The following PRR5L variants were observed in gnomAD, a reference collection of about 807,000 sequenced individuals.
PRR5L encodes proline-rich protein 5-like.
PRR5L carries 21 observed loss-of-function variants against 36.4 expected under a neutral mutation model. The observed-to-expected ratio is 0.58, with a 90% CI of 0.41 to 0.83. The LOEUF is 0.83. Among genes scored for constraint, PRR5L ranks in the 40% least tolerant of loss-of-function variants. PRR5L has a pLI of 0.00. For synonymous variants in PRR5L, 188 were observed against 197.0 expected, an observed-to-expected ratio of 0.95 and a Z score of 0.38; for missense variants, 381 against 473.3, an observed-to-expected ratio of 0.80 and a Z score of 1.81.
chr11:36,438,220 T>C (rs2133607290), intron 6 of PRR5L, among the ~76,000 whole-genome samples: 1 of 152,292 alleles, frequency 6.6e-6, no homozygotes, highest in South Asian at 2.1e-4. Flanking sequence ...GGTTGACCCA[T>C]AGATGTTCCT....
chr11:36,374,939 T>C (rs1857238565), intron 1 of PRR5L, among the ~76,000 whole-genome samples: 1 of 152,136 alleles, frequency 6.6e-6, no homozygotes, highest in Admixed American at 6.5e-5. Flanking sequence ...CTGCTCATTG[T>C]CCTCTCAGTT....
At chr11:36,459,740 C>A (rs1859139562) in intron 8 of PRR5L, among the ~76,000 whole-genome samples, 1 of 152,190 alleles carries the variant, frequency 6.6e-6, no homozygotes. Context: ...TGTGTGTTAG[C>A]TGTTAATACT....
rs1322681005 is a variant in PRR5L, at chr11:36,462,769, T to C, written c.*33T>C. The C allele has an allele frequency of 4.6e-6, 7 of 1,510,416 alleles. No individual in the cohort carries two copies. The highest frequency in any genetic ancestry group is 2.3e-5 in the Admixed American group (1 of 44,344). 93.6% of individuals were successfully genotyped at this position (1,510,416 alleles called of 1,614,324 possible). A position where few individuals can be genotyped will look rare whatever the true frequency, so the allele number is the denominator to read the frequency against. On this transcript the variant is annotated 3_prime_UTR_variant, in exon 9 of 9. Coordinates refer to ENST00000530639, the MANE Select transcript of PRR5L (RefSeq NM_001160167.2). ...CCCCTGGGCCTTTCCATCTCCTGTT[T>C]TGCAACCAGGATGAGGACCCCTCCA... is the stretch of plus-strand genomic sequence containing the variant.
intron 3 of PRR5L, among the ~76,000 whole-genome samples, chr11:36,405,470 T>C (rs6484846): frequency 0.23 from 34,861 of 152,114 alleles, 5,665 homozygotes; most frequent in African/African-American, 0.47. Context: ...TGGGGAGGCA[T>C]TGCTGCTTCA....
intron 5 of PRR5L, among the ~76,000 whole-genome samples, chr11:36,434,430 G>A (rs995291639): frequency 6.6e-6 from 1 of 152,118 alleles, no homozygotes; most frequent in African/African-American, 2.4e-5. Context: ...CCTCTTTGTC[G>A]ACATCTCCGC....
chr11:36,315,680 G>A (rs1262378429), intron 1 of PRR5L, among the ~76,000 whole-genome samples: 1 of 152,102 alleles, frequency 6.6e-6, no homozygotes, highest in Non-Finnish European at 1.5e-5. Flanking sequence ...TGAGCAATTG[G>A]CCATATTCCA....
intron 1 of PRR5L, among the ~76,000 whole-genome samples, chr11:36,336,506 A>G (rs1856770157): frequency 6.8e-6 from 1 of 147,238 alleles, no homozygotes; most frequent in Admixed American, 6.8e-5. Flanking sequence ...CTGGGATTAC[A>G]GGCTTGAACC....
chr11:36,414,590 T>C (rs1858101224), intron 3 of PRR5L, among the ~76,000 whole-genome samples: 1 of 141,462 alleles, frequency 7.1e-6, no homozygotes, highest in Non-Finnish European at 1.5e-5. Context: ...TTGTTTGAGT[T>C]CATTGTAGAT....
chr11:36,333,698 T>TCAG (rs1856741243), intron 1 of PRR5L, among the ~76,000 whole-genome samples: 1 of 152,148 alleles, frequency 6.6e-6, no homozygotes, highest in Non-Finnish European at 1.5e-5. Context: ...AGAAAGTGGA[T>TCAG]CAGCGATTGC....
chr11:36,359,334 C>A (rs970725176), intron 1 of PRR5L, among the ~76,000 whole-genome samples: 1 of 152,096 alleles, frequency 6.6e-6, no homozygotes. Flanking sequence ...TCACTTCCTT[C>A]GGTGTTGGAG....
chr11:36,431,464 T>A lies in PRR5L; in HGVS notation c.295-389T>A, dbSNP rs12420156. On this transcript the variant is annotated intron_variant, in intron 4 of 8. Transcript: ENST00000530639. ...GAAGCCCTAAATTTATCTTTTTTTT[T>A]AAAAAAAAATATGTTATTTCTGCAT... Among the ~76,000 whole-genome samples the A allele has an allele frequency of 6.0e-3, 891 of 147,838 alleles. 3 individuals are homozygous for A. Among genetic ancestry groups the A allele is most frequent in the African/African-American group, 0.011 (432 of 41,038 alleles).
intron 1 of PRR5L, among the ~76,000 whole-genome samples, chr11:36,341,717 A>T (rs1426878169): frequency 6.6e-6 from 1 of 152,222 alleles, no homozygotes; most frequent in African/African-American, 2.4e-5. Context: ...AGATAATAAT[A>T]GTGGCCAGAA....
intron 3 of PRR5L, among the ~76,000 whole-genome samples, chr11:36,403,825 C>A (rs936419589): frequency 6.6e-6 from 1 of 152,152 alleles, no homozygotes; most frequent in Non-Finnish European, 1.5e-5. Flanking sequence ...ACAGCAAGGA[C>A]CAAAGACAGA....
chr11:36,393,858 G>T (rs1337254691), intron 1 of PRR5L: 1 of 152,050 alleles, frequency 6.6e-6, no homozygotes, highest in Admixed American at 6.6e-5. Flanking sequence ...GAGGCAATTC[G>T]GACATAAAGA....
At chr11:36,338,924 G>A (rs149161583) in intron 1 of PRR5L, among the ~76,000 whole-genome samples, 292 of 152,266 alleles carry the variant, frequency 1.9e-3, no homozygotes, top group Non-Finnish European at 3.3e-3. Flanking sequence ...ACGGGGGCCC[G>A]TCTTTCCCGT....
intron 1 of PRR5L, among the ~76,000 whole-genome samples, chr11:36,326,943 G>A (rs1590444461): frequency 1.3e-5 from 2 of 152,294 alleles, no homozygotes; most frequent in East Asian, 1.9e-4. Flanking sequence ...AAACAGGAGG[G>A]TGGTTTGAAA....
chr11:36,459,653 T>C (rs1590615428), intron 8 of PRR5L, among the ~76,000 whole-genome samples: 1 of 152,226 alleles, frequency 6.6e-6, no homozygotes, highest in East Asian at 1.9e-4. Context: ...AGTACCCAGC[T>C]CATTGGGTTG....
chr11:36,363,375 A>G (rs1039166126), intron 1 of PRR5L, among the ~76,000 whole-genome samples: 1 of 152,240 alleles, frequency 6.6e-6, no homozygotes, highest in African/African-American at 2.4e-5. Flanking sequence ...CTGGGAGCTC[A>G]TATCTTTCTT....
intron 1 of PRR5L, among the ~76,000 whole-genome samples, chr11:36,299,904 A>T (rs1392494383): frequency 2.0e-5 from 3 of 152,162 alleles, no homozygotes; most frequent in Non-Finnish European, 4.4e-5. Flanking sequence ...AACGACAAAC[A>T]CTTCATCGCT....
Sources: gnomAD v4.1 joint callset for allele counts (sites outside exome capture counted in the v4.1 genomes callset) on GRCh38, gnomAD v4.1.1 for gene constraint, MANE v1.5 for transcripts, NCBI Gene and HGNC (gene_info 2026-07-23, HGNC 2026-07-21) for gene names.